NRP2: variants seen among roughly 807,000 people sequenced by gnomAD.
The protein encoded by NRP2 is neuropilin-2.
NRP2 carries 52 observed loss-of-function variants against 110.4 expected under a neutral mutation model. The ratio of observed to expected loss-of-function variants is 0.47; its 90% CI spans 0.38 to 0.59. NRP2 has a LOEUF of 0.59. NRP2 is among the 20% of genes least tolerant of loss of function. The pLI is 0.00. For synonymous variants in NRP2, 508 were observed against 468.9 expected (o/e 1.08, Z -1.08); for missense variants, 1,049 against 1,203.0 (o/e 0.87, Z 1.89).
rs2058351965 is a variant in NRP2, at chr2:205,796,384, C to T, written c.*1326C>T. 1 of 152,594 alleles carries T rather than the reference C, an allele frequency of 6.6e-6. No homozygotes were observed. The highest frequency in any genetic ancestry group is 1.5e-5 in the Non-Finnish European group (1 of 68,076). 9.5% of individuals were successfully genotyped at this position (152,594 alleles called of 1,614,324 possible). A position where few individuals can be genotyped will look rare whatever the true frequency, so the allele number is the denominator to read the frequency against. On this transcript the variant is annotated 3_prime_UTR_variant, in exon 17 of 17. Coordinates refer to ENST00000357785, the MANE Select transcript of NRP2 (RefSeq NM_003872.3). ...CCATGCTGCTTCAGCCTTGAGAGACCTAGGTTCTTACACATATGCACACAC... is the reference window on the plus strand; with the variant it reads ...CCATGCTGCTTCAGCCTTGAGAGACTTAGGTTCTTACACATATGCACACAC...
At position 205,725,142 on chromosome 2, in the gene NRP2, T is replaced by G. The variant is rs1367457231; in HGVS notation, c.821-771T>G. On this transcript the variant is annotated intron_variant, in intron 5 of 16. Coordinates refer to ENST00000357785, the MANE Select transcript of NRP2 (RefSeq NM_003872.3). This position sits in a 1 kb window ranked among gnomAD's most constrained non-coding sequence, Gnocchi z 4.1. Reference sequence around the variant, plus strand: ...CATCAAAGAGCTTCTGAAGATTGAGTGACAAAGAAACAGTATGGCAAATTG... The same window carrying G: ...CATCAAAGAGCTTCTGAAGATTGAGGGACAAAGAAACAGTATGGCAAATTG... Among the ~76,000 whole-genome samples the G allele has an allele frequency of 6.6e-6, 1 of 152,124 alleles. No homozygotes were observed. The highest frequency in any genetic ancestry group is 1.5e-5 in the Non-Finnish European group (1 of 68,026).
In NRP2 at chr2:205,795,285, C is replaced by T. The variant is rs929275397; in HGVS notation, c.*227C>T. ...CGCGGTGGCTAAGTCATTGCAGGAACGGGGCTGTGTTCTCTGCTGGGACAA... is the reference window on the plus strand; with the variant it reads ...CGCGGTGGCTAAGTCATTGCAGGAATGGGGCTGTGTTCTCTGCTGGGACAA... On this transcript the variant is annotated 3_prime_UTR_variant, in exon 17 of 17. Coordinates refer to ENST00000357785, the MANE Select transcript of NRP2 (RefSeq NM_003872.3). The T allele has an allele frequency of 9.5e-5, 51 of 536,512 alleles. No homozygotes were observed. Among genetic ancestry groups the T allele is most frequent in the Middle Eastern group, 5.2e-4 (1 of 1,932 alleles). The allele number at this position is 536,512 out of a possible 1,614,324, so 33.2% of individuals were successfully genotyped here.
chr2:205,713,755 C>T (rs947300280), intron 2 of NRP2, among the ~76,000 whole-genome samples: 3 of 152,180 alleles, frequency 2.0e-5, no homozygotes, highest in African/African-American at 4.8e-5. Context: ...CCTCCCTCTA[C>T]GGTTGGGCTT....
chr2:205,716,428 G>C lies in NRP2; in HGVS notation c.433+54G>C, dbSNP rs1422862136. The C allele has an allele frequency of 1.3e-5, 21 of 1,593,738 alleles. No individual in the cohort carries two copies. In the Admixed American group the frequency reaches 3.3e-4, roughly 25 times the overall value. The stretch of plus-strand genomic sequence containing the variant: ...AGATGGGCGTCTTAGAGAAGAAGGA[G>C]GGACAGCACCCAGTGGGCTGAGGCA... On this transcript the variant is annotated intron_variant, in intron 3 of 16. Transcript: ENST00000357785.
At chr2:205,745,652 G>C in intron 9 of NRP2, 94 bp from the exon 10 acceptor site, 1 of 1,461,164 alleles carries the variant, frequency 6.8e-7, no homozygotes. Context: ...CTAGCAGGAC[G>C]TGCGGGGCAG....
At chr2:205,732,513 G>T (rs765210332) in intron 7 of NRP2, among the ~76,000 whole-genome samples, 1 of 152,192 alleles carries the variant, frequency 6.6e-6, no homozygotes, top group East Asian at 1.9e-4. Context: ...GTGGCTGCAC[G>T]CCTCAGCGTT....
chr2:205,745,591 G>A (rs369794486), intron 9 of NRP2, among the ~76,000 whole-genome samples, 155 bp from the exon 10 acceptor site: 15 of 152,208 alleles, frequency 9.9e-5, no homozygotes, highest in African/African-American at 1.7e-4. Flanking sequence ...AATGAAGCTC[G>A]CGTGGATCAG....
chr2:205,686,289 T>A lies in NRP2; in HGVS notation c.73+2926T>A, dbSNP rs1425641437. Among the ~76,000 whole-genome samples the A allele has an allele frequency of 6.6e-6, 1 of 152,098 alleles. No homozygotes were observed. The highest frequency in any genetic ancestry group is 1.5e-5 in the Non-Finnish European group (1 of 68,020). On this transcript the variant is annotated intron_variant, in intron 1 of 16. Transcript: ENST00000357785. This position sits in a 1 kb window ranked among gnomAD's most constrained non-coding sequence, Gnocchi z 4.7. The stretch of plus-strand genomic sequence containing the variant: ...GCGGCATTTCTTCAACGCTGCCCTA[T>A]GCCGGAAAGTTAGGTCTCGGCTGCA...
chr2:205,702,030 T>C (rs1248404165), intron 2 of NRP2, among the ~76,000 whole-genome samples: 1 of 152,240 alleles, frequency 6.6e-6, no homozygotes, highest in African/African-American at 2.4e-5. Context: ...CAGGCCTCAG[T>C]TTCCTCATCT....
At chr2:205,790,321 C>G (rs2058285065) in intron 15 of NRP2, among the ~76,000 whole-genome samples, 1 of 152,188 alleles carries the variant, frequency 6.6e-6, no homozygotes, top group Non-Finnish European at 1.5e-5. Flanking sequence ...TCATTTTACC[C>G]TTTTTCCTTT....
intron 1 of NRP2, among the ~76,000 whole-genome samples, chr2:205,696,218 G>A (rs920244986): frequency 1.3e-5 from 2 of 152,186 alleles, no homozygotes; most frequent in Admixed American, 1.3e-4. Context: ...GCAGAGGTCT[G>A]GGAGATAGTA....
chr2:205,718,656 T>C (rs935880583), intron 3 of NRP2, among the ~76,000 whole-genome samples: 4 of 152,192 alleles, frequency 2.6e-5, no homozygotes, highest in Admixed American at 1.3e-4. Context: ...GTCAGTCTTA[T>C]ATATGCCGGG....
In NRP2 at chr2:205,745,829, G is replaced by T. The variant is rs778602865; in HGVS notation, c.1725G>T (p.Pro575=). 9 of 1,614,206 alleles carry T rather than the reference G, an allele frequency of 5.6e-6. No individual in the cohort carries two copies. Among genetic ancestry groups the T allele is most frequent in the Non-Finnish European group, 7.6e-6 (9 of 1,180,018 alleles). Residue 575 remains proline, a synonymous_variant, in exon 10 of 17, where the codon CCG becomes CCT. Transcript: ENST00000357785. ...CGGCACAGTATGTGCGGGTATACCC[G>T]GAGAGGTGGTCGCCGGCGGGGATTG... ...PIPAQYVRVY[P]ERWSPAGIGM...
intron 12 of NRP2, chr2:205,756,890 C>T (rs1056296467): frequency 1.3e-5 from 2 of 151,982 alleles, no homozygotes; most frequent in African/African-American, 2.4e-5. Context: ...GGAACTATTG[C>T]GATTAATCAA....
chr2:205,789,956 T>A (rs1289699037), intron 15 of NRP2, among the ~76,000 whole-genome samples: 2 of 152,234 alleles, frequency 1.3e-5, no homozygotes, highest in Non-Finnish European at 2.9e-5. Flanking sequence ...TTTGTACAAA[T>A]GTTCCCTTTA....
At chr2:205,704,075 G>A (rs1024316542) in intron 2 of NRP2, among the ~76,000 whole-genome samples, 3 of 152,108 alleles carry the variant, frequency 2.0e-5, no homozygotes, top group Admixed American at 1.3e-4. Context: ...CATACCCTAT[G>A]TCCAGCGACC....
chr2:205,787,695 A>G (rs2058249434), intron 15 of NRP2, among the ~76,000 whole-genome samples: 3 of 139,238 alleles, frequency 2.2e-5, no homozygotes, highest in Admixed American at 7.4e-5. Flanking sequence ...AATGAGGGAG[A>G]GAGGAAAGAT....
intron 11 of NRP2, among the ~76,000 whole-genome samples, chr2:205,752,182 G>A (rs1470862086): frequency 6.6e-6 from 1 of 152,232 alleles, no homozygotes; most frequent in African/African-American, 2.4e-5. Flanking sequence ...GCACTGAGCT[G>A]AGAAGCTGGC....
chr2:205,710,488 C>G (rs192623693), intron 2 of NRP2, among the ~76,000 whole-genome samples: 1 of 152,322 alleles, frequency 6.6e-6, no homozygotes. Flanking sequence ...GATATACCAG[C>G]TTTTTAGTAA....
Sources: allele counts gnomAD v4.1 joint callset (sites outside exome capture counted in the v4.1 genomes callset), GRCh38; gene constraint gnomAD v4.1.1; non-coding constraint Gnocchi (gnomAD v3.1); transcripts MANE v1.5; gene names NCBI Gene and HGNC (gene_info 2026-07-23, HGNC 2026-07-21).